The following LAMA3 variants were observed in gnomAD, a reference collection of about 807,000 sequenced individuals.
The protein encoded by LAMA3 is laminin subunit alpha 3, also known as laminin subunit alpha-3.
In LAMA3, 281 loss-of-function variants were observed where a neutral mutation model predicts 402.0. That is an observed-to-expected ratio of 0.70 (90% CI 0.63 to 0.77). The LOEUF (loss-of-function observed/expected upper bound fraction) is 0.77, where lower values mean the gene tolerates loss of function less well. Ranked by LOEUF, LAMA3 falls within the 30% of genes least tolerant of loss-of-function variation. The pLI is 0.00. For synonymous variants in LAMA3, 1,431 were observed against 1,558.4 expected, an observed-to-expected ratio of 0.92 and a Z score of 1.93; for missense variants, 3,840 against 4,215.5, an observed-to-expected ratio of 0.91 and a Z score of 2.47.
Position 23,909,275 on chromosome 18 carries a change from G to T in LAMA3, c.7138G>T (p.Ala2380Ser), listed in dbSNP as rs749712249. The T allele has an allele frequency of 6.2e-7, 1 of 1,612,608 alleles. No homozygotes were observed. Among genetic ancestry groups the T allele is most frequent in the Non-Finnish European group, 8.5e-7 (1 of 1,179,994 alleles). ...MDRIRELIQQ[A>S]RDAASKVAVP... ...CAGAATACGAGAACTAATTCAGCAG[G>T]CCAGAGATGCTGCCAGTAAGGTGAG... Residue 2380 changes from alanine (A) to serine (S), a missense_variant, in exon 55 of 75, where the codon GCC (alanine) becomes TCC (serine). By Grantham distance (99) the Ala-to-Ser change is moderately conservative. This residue lies in a region of LAMA3 where 891 missense variants were observed against 857.5 expected (regional missense o/e 1.04). Coordinates refer to ENST00000313654, the MANE Select transcript of LAMA3 (RefSeq NM_198129.4).
At chr18:23,892,795 T>C (rs7230374) in intron 42 of LAMA3, among the ~76,000 whole-genome samples, 120,751 of 151,046 alleles carry the variant, frequency 0.8, 48,968 homozygotes, top group African/African-American at 0.95. Context: ...CTCAGCTACT[T>C]GGGAGGCTGA....
chr18:23,788,327 T>C (rs1257285367), intron 12 of LAMA3, among the ~76,000 whole-genome samples: 3 of 152,004 alleles, frequency 2.0e-5, no homozygotes, highest in Non-Finnish European at 2.9e-5. Context: ...AAAATTTCTC[T>C]ATTTTACTGG....
At chr18:23,784,875 A>G (rs2062512116) in intron 12 of LAMA3, among the ~76,000 whole-genome samples, 1 of 152,198 alleles carries the variant, frequency 6.6e-6, no homozygotes, top group Non-Finnish European at 1.5e-5. Context: ...AAAGAGGAGA[A>G]GATTATCAGT....
chr18:23,761,013 C>A (rs571812012), intron 7 of LAMA3, among the ~76,000 whole-genome samples: 2 of 152,124 alleles, frequency 1.3e-5, no homozygotes, highest in Non-Finnish European at 2.9e-5. Flanking sequence ...GGGGCACAAG[C>A]GTTCGGACCA....
chr18:23,766,836 C>CA (rs753928177), intron 8 of LAMA3, among the ~76,000 whole-genome samples: 2,155 of 136,770 alleles, frequency 0.016, 23 homozygotes, highest in Middle Eastern at 0.084. Context: ...AAGACTGTCT[C>CA]AAAGAAAAAA....
chr18:23,899,055 G>A lies in LAMA3; in HGVS notation c.5826G>A (p.Arg1942=), dbSNP rs1426312383. The A allele has an allele frequency of 1.9e-6, 3 of 1,612,154 alleles. No individual in the cohort carries two copies. The African/African-American group carries it at 4.0e-5, about 22-fold the overall frequency. Residue 1942 remains arginine (R), a synonymous_variant, in exon 46 of 75, where the codon CGG becomes CGA. Coordinates refer to ENST00000313654, the MANE Select transcript of LAMA3 (RefSeq NM_198129.4). ...ATGTGAAGATTAAAAATGTCATCCG[G>A]AATGTGCACAGTAAGAAGAGTTATT... ...ELDVKIKNVI[R]NVHILLKQIS... is the part of the protein sequence containing the mutation.
intron 32 of LAMA3, among the ~76,000 whole-genome samples, chr18:23,855,015 A>T (rs575199820): frequency 1.1e-3 from 167 of 152,244 alleles, no homozygotes; most frequent in Non-Finnish European, 1.7e-3. Context: ...AAAAAAATTT[A>T]AAAAAATAAA....
intron 21 of LAMA3, among the ~76,000 whole-genome samples, chr18:23,826,271 G>A (rs559738451): frequency 6.6e-6 from 1 of 152,354 alleles, no homozygotes; most frequent in South Asian, 2.1e-4. Context: ...AAGATCACAA[G>A]GCATTGCTTT....
intron 72 of LAMA3, 113 bp downstream of exon 72, chr18:23,950,272 A>T (rs1221649215): frequency 1.1e-5 from 13 of 1,182,446 alleles, no homozygotes; most frequent in Non-Finnish European, 2.5e-6. Flanking sequence ...TGTATTTAAG[A>T]GCCTTGACTT....
rs74896921 is a variant in LAMA3 at position 23,805,901 on chromosome 18, A to G, written c.1604-4465A>G. ...ATAGTACCTACTCTCCCCTTCATTC[A>G]AAGAGTTCTGGGTCTGTAAACCAGC... On this transcript the variant is annotated intron_variant, in intron 12 of 74. Coordinates refer to ENST00000313654, the MANE Select transcript of LAMA3 (RefSeq NM_198129.4). Among the ~76,000 whole-genome samples, 202 of 152,334 alleles carry G rather than the reference A, an allele frequency of 1.3e-3. 1 individual carries two copies. The highest frequency in any genetic ancestry group is 4.7e-3 in the African/African-American group (197 of 41,568).
In LAMA3 at chr18:23,827,557, T is replaced by G. The variant is rs554088849; in HGVS notation, c.2823+90T>G. 1.0e-5 allele frequency: 14 copies of G among 1,399,462 alleles called. No individual in the cohort carries two copies. The African/African-American group carries it at 1.7e-4, about 17-fold the overall frequency. The allele number at this position is 1,399,462 out of a possible 1,614,324, so 86.7% of individuals were successfully genotyped here. On this transcript the variant is annotated intron_variant, in intron 23 of 74. Transcript: ENST00000313654. ...ACTTGGCCACAGTTGCTTCTCAAAT[T>G]CAGGGGAACCTGGAAGAATTTCTCA... is the stretch of plus-strand genomic sequence containing the variant.
chr18:23,927,286 CAGCT>C (rs1421785349), intron 62 of LAMA3, among the ~76,000 whole-genome samples: 2 of 152,190 alleles, frequency 1.3e-5, no homozygotes, highest in Non-Finnish European at 2.9e-5. Context: ...TCTCCAACCT[CAGCT>C]CCCGGGTAGC....
rs377372297 is a variant in LAMA3, at chr18:23,914,825, G to A, written c.7609G>A (p.Val2537Ile). The change falls in exon 58 of 75, where the codon GTA becomes ATA. Residue 2537 changes from valine to isoleucine, a missense_variant. Coordinates refer to ENST00000313654, the MANE Select transcript of LAMA3 (RefSeq NM_198129.4). The part of the protein sequence containing the change: ...TLLNLDPENV[V>I]FYVGGYPPDF... ...CCTTAATTTGGATCCTGAAAATGTT[G>A]TATTTTATGTTGGAGGTTACCCACC... 1 of 1,613,062 alleles carries A rather than the reference G, an allele frequency of 6.2e-7. No individual in the cohort carries two copies. Among genetic ancestry groups the A allele is most frequent in the Non-Finnish European group, 8.5e-7 (1 of 1,179,118 alleles).
At chr18:23,702,951 T>C (rs1349741115) in intron 1 of LAMA3, among the ~76,000 whole-genome samples, 1 of 152,188 alleles carries the variant, frequency 6.6e-6, no homozygotes, top group Non-Finnish European at 1.5e-5. Context: ...AGATTTGTCA[T>C]GGAAATTGAG....
In LAMA3 at chr18:23,819,899, G is replaced by A. The variant is rs188202707; in HGVS notation, c.2206G>A (p.Gly736Ser). 4.3e-4 allele frequency: 688 copies of A among 1,613,982 alleles called. 3 individuals are homozygous for A. In the African/African-American group the frequency reaches 7.5e-3, roughly 18 times the overall value. The change falls in exon 19 of 75, where the codon GGC becomes AGC. Residue 736 changes from glycine (G) to serine (S), a missense_variant. Coordinates refer to ENST00000313654, the MANE Select transcript of LAMA3 (RefSeq NM_198129.4). The part of the protein sequence containing the change: ...LHHMKYEIED[G>S]STPNGRDLRF... ...TCATATGAAGTATGAGATTGAAGACGGCAGCACACCTAATGGGAGAGACCT... is the reference window on the plus strand; with the variant it reads ...TCATATGAAGTATGAGATTGAAGACAGCAGCACACCTAATGGGAGAGACCT...
At position 23,914,402 on chromosome 18, in the gene LAMA3, G is replaced by A; in HGVS notation, c.7330-8G>A. The A allele has an allele frequency of 6.2e-7, 1 of 1,614,158 alleles. No homozygotes were observed. Among genetic ancestry groups the A allele is most frequent in the Non-Finnish European group, 8.5e-7 (1 of 1,179,994 alleles). Reference sequence around the variant, plus strand: ...GTGAAGTGTTCTGAGGTGGCCCTTTGTCTCCAGGCCTCCCGGGACTACATC... The same window carrying A: ...GTGAAGTGTTCTGAGGTGGCCCTTTATCTCCAGGCCTCCCGGGACTACATC... On this transcript the variant is annotated splice_region_variant and splice_polypyrimidine_tract_variant and intron_variant, in intron 56 of 74. Transcript: ENST00000313654.
chr18:23,786,860 A>T (rs1476074316), intron 12 of LAMA3, among the ~76,000 whole-genome samples: 1 of 152,252 alleles, frequency 6.6e-6, no homozygotes, highest in Non-Finnish European at 1.5e-5. Context: ...AAAGTATAAT[A>T]ACTGAAATGA....
intron 55 of LAMA3, among the ~76,000 whole-genome samples, chr18:23,911,809 TATA>T (rs1411527666): frequency 6.8e-6 from 1 of 147,046 alleles, no homozygotes; most frequent in Non-Finnish European, 1.5e-5. Context: ...AATTATATAT[TATA>T]ATCATATATT....
At position 23,950,120 on chromosome 18, in the gene LAMA3, GC is replaced by G. The variant is rs1188572969; in HGVS notation, c.9606del (p.Lys3204SerfsTer45). ...GGATCCTAATACACATCGGAAGTCA[GC>G]CCGGGAAGCACTTATGTGTTTACCT... is the stretch of plus-strand genomic sequence containing the variant. ...TGILIHIGSQ[P>X]GKHLCVYLEA... On this transcript the variant is annotated frameshift_variant, in exon 72 of 75. Coordinates refer to ENST00000313654, the MANE Select transcript of LAMA3 (RefSeq NM_198129.4). LOFTEE classifies it high-confidence loss of function. 1.2e-6 allele frequency: 2 copies of G among 1,613,978 alleles called. No homozygotes were observed. Among genetic ancestry groups the G allele is most frequent in the Non-Finnish European group, 1.7e-6 (2 of 1,180,026 alleles).
Sources: gnomAD v4.1 joint callset for allele counts (sites outside exome capture counted in the v4.1 genomes callset) on GRCh38, gnomAD v4.1.1 for gene constraint, gnomAD v4.1.1 regional missense constraint, MANE v1.5 for transcripts, NCBI Gene and HGNC (gene_info 2026-07-23, HGNC 2026-07-21) for gene names.